Variants in MPRIP observed in about 807,000 individuals in gnomAD.
MPRIP encodes myosin phosphatase Rho-interacting protein.
MPRIP carries 59 observed loss-of-function variants against 234.9 expected under a neutral mutation model. That is an observed-to-expected ratio of 0.25 (90% CI 0.20 to 0.31). The LOEUF (loss-of-function observed/expected upper bound fraction) is 0.31, where lower values mean the gene tolerates loss of function less well. Ranked by LOEUF, MPRIP falls within the 10% of genes least tolerant of loss-of-function variation. The pLI, the probability that MPRIP is intolerant of heterozygous loss-of-function variation, is 1.00. For missense variants in MPRIP, 2,436 were observed against 3,071.0 expected (o/e 0.79, Z 4.89); for synonymous variants, 1,144 against 1,263.9 (o/e 0.91, Z 2.01).
chr17:17,131,193 C>T (rs1406271066), intron 4 of MPRIP, among the ~76,000 whole-genome samples: 1 of 152,106 alleles, frequency 6.6e-6, no homozygotes, highest in Non-Finnish European at 1.5e-5. Flanking sequence ...CAAGAGTACC[C>T]ATTGTGGGAA....
chr17:17,054,575 C>T (rs939958363), intron 1 of MPRIP, among the ~76,000 whole-genome samples: 3 of 152,106 alleles, frequency 2.0e-5, no homozygotes, highest in African/African-American at 7.2e-5. Flanking sequence ...GTGCACATCT[C>T]TGAGATGTGA....
intron 1 of MPRIP, among the ~76,000 whole-genome samples, chr17:17,072,721 A>C (rs993367466): frequency 2.0e-4 from 31 of 151,980 alleles, no homozygotes; most frequent in African/African-American, 6.0e-4. Flanking sequence ...AGTGGTGGTG[A>C]TATAGCTGGC....
chr17:17,045,795 C>A (rs1597705261), intron 1 of MPRIP, among the ~76,000 whole-genome samples: 1 of 150,712 alleles, frequency 6.6e-6, no homozygotes, highest in South Asian at 2.1e-4. Flanking sequence ...GACATACGGA[C>A]CCAAATATAC....
At chr17:17,120,418 C>T (rs1289742096) in intron 3 of MPRIP, among the ~76,000 whole-genome samples, 1 of 152,148 alleles carries the variant, frequency 6.6e-6, no homozygotes, top group Non-Finnish European at 1.5e-5. Flanking sequence ...ACAAGATGCC[C>T]TGGCTGCAGT....
chr17:17,066,727 T>A (rs1265331908), intron 1 of MPRIP, among the ~76,000 whole-genome samples: 1 of 20,448 alleles, frequency 4.9e-5, no homozygotes, highest in Non-Finnish European at 7.9e-5. Flanking sequence ...TTTCATCTTT[T>A]TTTTTTTTTT....
chr17:17,054,399 G>C (rs1003020162), intron 1 of MPRIP, among the ~76,000 whole-genome samples: 1 of 152,224 alleles, frequency 6.6e-6, no homozygotes, highest in Non-Finnish European at 1.5e-5. Flanking sequence ...GCAGTTACCT[G>C]TATTCATTCA....
Position 17,042,949 on chromosome 17 carries a change from T to A in MPRIP, c.101T>A (p.Leu34His). 1 of 1,610,874 alleles carries A rather than the reference T, an allele frequency of 6.2e-7. No individual in the cohort carries two copies. The highest frequency in any genetic ancestry group is 1.3e-5 in the African/African-American group (1 of 74,870). Residue 34 changes from leucine (L) to histidine (H), a missense_variant, in exon 1 of 24, where the codon CTC becomes CAC. This residue lies in a region of MPRIP where 140 missense variants were observed against 207.3 expected (regional missense o/e 0.68). Transcript: ENST00000651222. Reference protein sequence around the residue: ...NCFKPRESHLLNDEDLTQAKP... With the variant: ...NCFKPRESHLHNDEDLTQAKP... ...TTCAAGCCCCGCGAGTCGCATCTGC[T>A]CAACGACGAGGACCTGACGCAGGTG...
intron 3 of MPRIP, among the ~76,000 whole-genome samples, chr17:17,099,417 A>G (rs889583099): frequency 1.3e-5 from 2 of 152,204 alleles, no homozygotes; most frequent in Non-Finnish European, 2.9e-5. Flanking sequence ...GAATTTTCCT[A>G]CTAAGAGTCC....
chr17:17,145,857 A>G (rs2045451873), intron 9 of MPRIP, among the ~76,000 whole-genome samples, 179 bp from the exon 10 acceptor site: 1 of 152,140 alleles, frequency 6.6e-6, no homozygotes, highest in African/African-American at 2.4e-5. Context: ...GCGTGTGCCT[A>G]CAGAAGGCTG....
intron 12 of MPRIP, among the ~76,000 whole-genome samples, chr17:17,151,009 C>CTTATTATTATTATTATTATTATTATTA (rs57859773): frequency 6.9e-6 from 1 of 145,340 alleles, no homozygotes; most frequent in African/African-American, 2.6e-5. Flanking sequence ...CCATGCCCAG[C>CTTATTATTATTATTATTATTATTATTA]TTATTATTAT....
chr17:17,107,139 G>A (rs1313066775), intron 3 of MPRIP, among the ~76,000 whole-genome samples: 7 of 152,386 alleles, frequency 4.6e-5, no homozygotes, highest in Non-Finnish European at 1.0e-4. Flanking sequence ...CCTGGAGGGT[G>A]TCGGGATTTA....
chr17:17,058,624 C>G (rs2088778936), intron 1 of MPRIP, among the ~76,000 whole-genome samples: 1 of 152,286 alleles, frequency 6.6e-6, no homozygotes, highest in South Asian at 2.1e-4. Context: ...GTCACAGCCC[C>G]TCCTCCTGGC....
chr17:17,093,403 G>A (rs2089765081), intron 3 of MPRIP, among the ~76,000 whole-genome samples: 1 of 152,180 alleles, frequency 6.6e-6, no homozygotes, highest in South Asian at 2.1e-4. Flanking sequence ...AGGACCTTGG[G>A]AGCAGTCTCT....
At chr17:17,075,628 G>T (rs566734262) in intron 1 of MPRIP, 82 bp from the exon 2 acceptor site, 12 of 1,182,862 alleles carry the variant, frequency 1.0e-5, no homozygotes, top group Non-Finnish European at 1.4e-5. Context: ...TCTGTTTCCA[G>T]CGAGTGCTTG....
chr17:17,150,196 A>G lies in MPRIP; in HGVS notation c.1682A>G (p.Glu561Gly). 6 of 1,613,806 alleles carry G rather than the reference A, an allele frequency of 3.7e-6. No homozygotes were observed. The highest frequency in any genetic ancestry group is 5.1e-6 in the Non-Finnish European group (6 of 1,179,850). ...TTGTCCGCATGTTACGATGTCACAG[A>G]GTATCCAGTTCAGAGAAACTATGGC... ...IDLSACYDVT[E>G]YPVQRNYGFQ... is the part of the protein sequence containing the mutation. The change falls in exon 12 of 24, where the codon GAG becomes GGG. Residue 561 changes from glutamate (E) to glycine (G), a missense_variant. Coordinates refer to ENST00000651222, the MANE Select transcript of MPRIP (RefSeq NM_001364716.4).
Position 17,190,372 on chromosome 17 carries a change from G to A in MPRIP, c.*5478G>A, listed in dbSNP as rs1475075250. ...AGAGGGGGCTCTTCGTTTTACCTTT[G>A]TACAGTTCTTGTGTTTACACATTTG... On this transcript the variant is annotated 3_prime_UTR_variant, in exon 24 of 24. Transcript: ENST00000651222. The A allele has an allele frequency of 6.6e-6, 1 of 152,218 alleles. No individual in the cohort carries two copies. Among genetic ancestry groups the A allele is most frequent in the East Asian group, 1.9e-4 (1 of 5,200 alleles). The allele number at this position is 152,218 out of a possible 1,614,324, so 9.4% of individuals were successfully genotyped here. A position where few individuals can be genotyped will look rare whatever the true frequency, so the allele number is the denominator to read the frequency against.
chr17:17,177,453 G>T, intron 22 of MPRIP, 41 bp downstream of exon 22: 3 of 1,595,254 alleles, frequency 1.9e-6, no homozygotes, highest in Non-Finnish European at 2.6e-6. Context: ...TTGCTGGGGG[G>T]CTTATGGGGG....
At chr17:17,153,903 G>A (rs1043256894) in intron 12 of MPRIP, among the ~76,000 whole-genome samples, 8 of 151,940 alleles carry the variant, frequency 5.3e-5, no homozygotes, top group East Asian at 1.9e-4. Flanking sequence ...CAACACACAC[G>A]CCCTTCCGGA....
At chr17:17,091,187 G>A (rs530776877) in intron 3 of MPRIP, among the ~76,000 whole-genome samples, 4 of 152,182 alleles carry the variant, frequency 2.6e-5, no homozygotes, top group East Asian at 1.9e-4. Flanking sequence ...GAGACCCACC[G>A]AGGACGACCA....
Sources: gnomAD v4.1 joint callset for allele counts (sites outside exome capture counted in the v4.1 genomes callset) on GRCh38, gnomAD v4.1.1 for gene constraint, gnomAD v4.1.1 regional missense constraint, MANE v1.5 for transcripts, NCBI Gene and HGNC (gene_info 2026-07-23, HGNC 2026-07-21) for gene names.